The following SGK1 variants were observed in gnomAD, a reference collection of about 807,000 sequenced individuals.
SGK1 encodes the protein serum/glucocorticoid regulated kinase 1.
In SGK1, 26 loss-of-function variants were observed where a neutral mutation model predicts 64.2. The observed-to-expected ratio is 0.40, with a 90% CI of 0.30 to 0.56. SGK1 has a LOEUF of 0.56. Among genes scored for constraint, SGK1 ranks in the 20% least tolerant of loss-of-function variants. The pLI, the probability that SGK1 is intolerant of heterozygous loss-of-function variation, is 0.38. For missense variants in SGK1, 519 were observed against 645.6 expected, an observed-to-expected ratio of 0.80 and a Z score of 2.12; for synonymous variants, 265 against 239.7, an observed-to-expected ratio of 1.11 and a Z score of -0.98.
chr6:134,317,405 A>C lies in SGK1; in HGVS notation c.56T>G (p.Phe19Cys), dbSNP rs749119038. ...FPVKKCSAFQFFKKRVRRWIK... is the reference protein window; with the variant it reads ...FPVKKCSAFQCFKKRVRRWIK... ...ACCTGTCCTTACCCGCTTCTTAAAAAATTGGAAGGCTGAGCATTTCTTGAC... is the reference window on the plus strand; with the variant it reads ...ACCTGTCCTTACCCGCTTCTTAAAACATTGGAAGGCTGAGCATTTCTTGAC... Residue 19 changes from phenylalanine to cysteine, a missense_variant, in exon 1 of 14, where the codon TTT becomes TGT. Physicochemically the swap from Phe to Cys is radical, Grantham distance 205. This residue lies in a region of SGK1 where 241 missense variants were observed against 236.9 expected (regional missense o/e 1.02). Transcript: ENST00000367858. 1 of 1,604,262 alleles carries C rather than the reference A, an allele frequency of 6.2e-7. No individual in the cohort carries two copies. The highest frequency in any genetic ancestry group is 1.7e-5 in the Admixed American group (1 of 60,020).
intron 1 of SGK1, among the ~76,000 whole-genome samples, chr6:134,309,293 T>A (rs1198802451): frequency 1.3e-5 from 2 of 152,238 alleles, no homozygotes; most frequent in African/African-American, 4.8e-5. Context: ...TTTCTCCACA[T>A]GCCATGGCAG....
intron 2 of SGK1, among the ~76,000 whole-genome samples, chr6:134,245,430 G>A (rs994232078): frequency 6.6e-6 from 1 of 152,204 alleles, no homozygotes; most frequent in African/African-American, 2.4e-5. Context: ...CATCTTTAAG[G>A]TTTTGTCAAC....
At chr6:134,174,833 G>C in intron 3 of SGK1, 1 of 1,613,698 alleles carries the variant, frequency 6.2e-7, no homozygotes, top group Non-Finnish European at 8.5e-7. Flanking sequence ...ACAGAAAGAC[G>C]TTAGCGCTCA....
chr6:134,317,525 G>C lies in SGK1; in HGVS notation c.-65C>G. 1 of 935,016 alleles carries C rather than the reference G, an allele frequency of 1.1e-6. No homozygotes were observed. The highest frequency in any genetic ancestry group is 1.7e-5 in the Admixed American group (1 of 58,758). 57.9% of individuals were successfully genotyped at this position (935,016 alleles called of 1,614,324 possible). A position where few individuals can be genotyped will look rare whatever the true frequency, so the allele number is the denominator to read the frequency against. On this transcript the variant is annotated 5_prime_UTR_variant, in exon 1 of 14. Coordinates refer to ENST00000367858, the MANE Select transcript of SGK1 (RefSeq NM_001143676.3). ...GCACCCGCCTGGTTAGTGCATATCT[G>C]TTTCCCCGGTTTACCTCCTGCAGAC...
Position 134,269,277 on chromosome 6 carries a change from A to T in SGK1, c.70-7129T>A, listed in dbSNP as rs1355276823. On this transcript the variant is annotated intron_variant, in intron 1 of 13. Transcript: ENST00000367858. ...TGCCTTCTGTAATTTCCAAACAGGC[A>T]TTTTTTTTTTTTAATTATAGAGAAC... is the stretch of plus-strand genomic sequence containing the variant. Among the ~76,000 whole-genome samples, 3 of 139,592 alleles carry T rather than the reference A, an allele frequency of 2.1e-5. 1 individual carries two copies. The highest frequency in any genetic ancestry group is 4.7e-5 in the Non-Finnish European group (3 of 63,642). 91.6% of individuals were successfully genotyped at this position (139,592 alleles called of 152,430 possible).
intron 1 of SGK1, among the ~76,000 whole-genome samples, chr6:134,291,783 A>T (rs1206888628): frequency 1.3e-5 from 2 of 152,210 alleles, no homozygotes; most frequent in African/African-American, 4.8e-5. Flanking sequence ...ATTTGTGGCC[A>T]GGCACGATGG....
chr6:134,186,766 A>G (rs551511103), intron 3 of SGK1, among the ~76,000 whole-genome samples: 18 of 152,158 alleles, frequency 1.2e-4, no homozygotes, highest in African/African-American at 4.1e-4. Context: ...GGTAATACTA[A>G]GAGACATCCT....
chr6:134,196,178 G>T (rs1775591222), intron 3 of SGK1, among the ~76,000 whole-genome samples: 1 of 152,144 alleles, frequency 6.6e-6, no homozygotes, highest in Non-Finnish European at 1.5e-5. Context: ...GCCCAGCCAG[G>T]CACGTGACTG....
intron 3 of SGK1, among the ~76,000 whole-genome samples, chr6:134,199,558 C>CAAAAAAAAA (rs369760659): frequency 7.2e-4 from 58 of 81,074 alleles, no homozygotes; most frequent in Non-Finnish European, 1.0e-3. Context: ...GACTCTCTCT[C>CAAAAAAAAA]AAAAAAAAAA....
chr6:134,191,633 A>G (rs919356620), intron 3 of SGK1, among the ~76,000 whole-genome samples: 1 of 151,988 alleles, frequency 6.6e-6, no homozygotes, highest in African/African-American at 2.4e-5. Flanking sequence ...TAAGTGGCAG[A>G]CACTATGCAT....
chr6:134,208,325 A>G (rs1276644905), intron 2 of SGK1, among the ~76,000 whole-genome samples: 1 of 152,138 alleles, frequency 6.6e-6, no homozygotes, highest in East Asian at 1.9e-4. Flanking sequence ...GTGCAGATAC[A>G]TGTTTTTAAT....
chr6:134,175,753 G>A lies in SGK1; in HGVS notation c.362-1167C>T, dbSNP rs1047116941. On this transcript the variant is annotated intron_variant, in intron 3 of 13. Transcript: ENST00000367858. ...AGCCGCCGTGACTCAGGCCGGGCAAGATTTCCTGCCCCGAGTCCCAAAACA... is the reference window on the plus strand; with the variant it reads ...AGCCGCCGTGACTCAGGCCGGGCAAAATTTCCTGCCCCGAGTCCCAAAACA... The A allele has an allele frequency of 6.7e-6, 9 of 1,351,888 alleles. No individual in the cohort carries two copies. The African/African-American group carries it at 1.4e-4, about 21-fold the overall frequency. 83.7% of individuals were successfully genotyped at this position (1,351,888 alleles called of 1,614,324 possible). A position where few individuals can be genotyped will look rare whatever the true frequency, so the allele number is the denominator to read the frequency against.
chr6:134,264,648 TGTTG>T (rs1182640802), intron 1 of SGK1, among the ~76,000 whole-genome samples: 63 of 105,256 alleles, frequency 6.0e-4, no homozygotes, highest in Middle Eastern at 4.5e-3. Context: ...TTATTATTTT[TGTTG>T]TTGTTGTTGT....
chr6:134,315,138 CA>C (rs1004371815), intron 1 of SGK1, among the ~76,000 whole-genome samples: 50 of 151,772 alleles, frequency 3.3e-4, no homozygotes, highest in African/African-American at 1.2e-3. Flanking sequence ...AACAAACAAA[CA>C]AAAAAAGCAA....
intron 3 of SGK1, among the ~76,000 whole-genome samples, chr6:134,176,147 G>A (rs187856366): frequency 6.6e-4 from 100 of 152,254 alleles, no homozygotes; most frequent in Middle Eastern, 6.8e-3. Context: ...CAGACCTGGC[G>A]TGAACCGGGC....
intron 1 of SGK1, among the ~76,000 whole-genome samples, chr6:134,300,638 T>G (rs1777438599): frequency 6.7e-6 from 1 of 148,304 alleles, no homozygotes; most frequent in African/African-American, 2.4e-5. Flanking sequence ...TTTGGTTTTT[T>G]TTTTTTTTTT....
intron 3 of SGK1, among the ~76,000 whole-genome samples, chr6:134,197,784 C>T (rs553882827): frequency 5.6e-4 from 85 of 150,802 alleles, no homozygotes; most frequent in Non-Finnish European, 9.7e-4. Context: ...TGAGATCGCG[C>T]CACTGAGAGC....
At chr6:134,176,267 C>T (rs1272143577) in intron 3 of SGK1, among the ~76,000 whole-genome samples, 1 of 152,214 alleles carries the variant, frequency 6.6e-6, no homozygotes, top group Non-Finnish European at 1.5e-5. Flanking sequence ...GGGTTTAACT[C>T]AAGGCTGCCC....
Position 134,277,214 on chromosome 6 carries a change from C to T in SGK1, c.70-15066G>A, listed in dbSNP as rs528514427. On this transcript the variant is annotated intron_variant, in intron 1 of 13. Coordinates refer to ENST00000367858, the MANE Select transcript of SGK1 (RefSeq NM_001143676.3). ...GTGGGTGCCTTTAATCCCAGCTACT[C>T]GGGAGGCTGAGGCAGAAGAATTGCT... 3.6e-4 allele frequency among the ~76,000 whole-genome samples: 54 copies of T among 152,010 alleles called. 2 individuals are homozygous for T. The highest frequency in any genetic ancestry group is 1.2e-3 in the African/African-American group (51 of 41,458).
Sources: allele counts gnomAD v4.1 joint callset (sites outside exome capture counted in the v4.1 genomes callset), GRCh38; gene constraint gnomAD v4.1.1; regional missense constraint gnomAD v4.1.1; transcripts MANE v1.5; gene names NCBI Gene and HGNC (gene_info 2026-07-23, HGNC 2026-07-21).